Variants in SPECC1 observed in about 807,000 individuals in gnomAD.
SPECC1 encodes cytospin-B.
SPECC1 carries 62 observed loss-of-function variants against 104.1 expected under a neutral mutation model. The observed-to-expected ratio is 0.60, with a 90% CI of 0.49 to 0.74. The LOEUF (loss-of-function observed/expected upper bound fraction) is 0.74. Ranked by LOEUF, SPECC1 falls within the 30% of genes least tolerant of loss-of-function variation. SPECC1 has a pLI of 0.00. For synonymous variants in SPECC1, 513 were observed against 501.6 expected, an observed-to-expected ratio of 1.02 and a Z score of -0.30; for missense variants, 1,306 against 1,310.5, an observed-to-expected ratio of 1.00 and a Z score of 0.05.
At chr17:20,172,711 T>G (rs2034180732) in intron 3 of SPECC1, among the ~76,000 whole-genome samples, 1 of 152,190 alleles carries the variant, frequency 6.6e-6, no homozygotes, top group African/African-American at 2.4e-5. Context: ...GGAAGTGTGC[T>G]GTAAGCTCTG....
intron 4 of SPECC1, among the ~76,000 whole-genome samples, chr17:20,226,754 G>A (rs2038233149): frequency 6.6e-6 from 1 of 152,192 alleles, no homozygotes; most frequent in Non-Finnish European, 1.5e-5. Context: ...ACGTTTTTGT[G>A]TGCCTTCCGC....
rs1282932033 is a variant in SPECC1, at chr17:20,166,273, G to C, written c.284-38060G>C. 4.6e-5 allele frequency among the ~76,000 whole-genome samples: 7 copies of C among 152,268 alleles called. No homozygotes were observed. In the South Asian group the frequency reaches 1.2e-3, roughly 27 times the overall value. ...ACATGGAAAAACTCACAAGTAAAGT[G>C]GGAGAATTTAACTGTCTTACACAAA... On this transcript the variant is annotated intron_variant, in intron 3 of 14. Coordinates refer to ENST00000395527, the MANE Select transcript of SPECC1 (RefSeq NM_001243439.2).
chr17:20,273,497 GA>G (rs1413693135), intron 12 of SPECC1, among the ~76,000 whole-genome samples: 2 of 151,160 alleles, frequency 1.3e-5, no homozygotes, highest in Non-Finnish European at 2.9e-5. Context: ...TGGGGGTGGA[GA>G]GTGACTACCT....
chr17:20,101,318 C>T (rs965354149), intron 2 of SPECC1, among the ~76,000 whole-genome samples: 1 of 152,206 alleles, frequency 6.6e-6, no homozygotes, highest in Non-Finnish European at 1.5e-5. Flanking sequence ...CACAGCCTCA[C>T]CAGCATCTGT....
chr17:20,198,874 T>C (rs2036213836), intron 3 of SPECC1, among the ~76,000 whole-genome samples: 1 of 152,204 alleles, frequency 6.6e-6, no homozygotes, highest in Admixed American at 6.5e-5. Flanking sequence ...CATCCTCAAA[T>C]AACTTCCTTA....
intron 3 of SPECC1, among the ~76,000 whole-genome samples, chr17:20,168,819 A>C (rs2033864774): frequency 1.3e-5 from 2 of 152,172 alleles, no homozygotes; most frequent in South Asian, 4.1e-4. Context: ...TGCTTATATG[A>C]TGTAGATGTA....
intron 4 of SPECC1, among the ~76,000 whole-genome samples, chr17:20,220,872 C>T (rs1375467895): frequency 6.6e-6 from 1 of 152,054 alleles, no homozygotes; most frequent in Non-Finnish European, 1.5e-5. Context: ...AGTTTATTGA[C>T]AGTTTTTATC....
At position 20,223,065 on chromosome 17, in the gene SPECC1, T is replaced by C. The variant is rs78662449; in HGVS notation, c.1864-4348T>C. 7.8e-3 allele frequency among the ~76,000 whole-genome samples: 1,192 copies of C among 152,308 alleles called. 18 individuals are homozygous for C. The highest frequency in any genetic ancestry group is 0.027 in the African/African-American group (1,136 of 41,570). ...TTCTATAACCTATTGTACTTGAGTA[T>C]TAATATTTTTCTCTAGATTTGGGAA... On this transcript the variant is annotated intron_variant, in intron 4 of 14. Transcript: ENST00000395527.
At chr17:20,085,393 C>G (rs1278862717) in intron 1 of SPECC1, among the ~76,000 whole-genome samples, 1 of 152,206 alleles carries the variant, frequency 6.6e-6, no homozygotes, top group Non-Finnish European at 1.5e-5. Context: ...CGTTTCTGTC[C>G]CTCACGCTGG....
chr17:20,167,620 G>A (rs945734141), intron 3 of SPECC1, among the ~76,000 whole-genome samples: 1 of 152,238 alleles, frequency 6.6e-6, no homozygotes, highest in Non-Finnish European at 1.5e-5. Flanking sequence ...GGAGGTTGCA[G>A]TGAGCTGAGA....
intron 3 of SPECC1, among the ~76,000 whole-genome samples, chr17:20,132,527 T>A (rs1019520711): frequency 2.0e-5 from 3 of 151,498 alleles, no homozygotes; most frequent in Non-Finnish European, 4.4e-5. Flanking sequence ...GTTTGTTTGT[T>A]TGTTTGTTTG....
At chr17:20,182,196 C>G (rs1010089517) in intron 3 of SPECC1, among the ~76,000 whole-genome samples, 1 of 150,502 alleles carries the variant, frequency 6.6e-6, no homozygotes, top group Non-Finnish European at 1.5e-5. Flanking sequence ...TCACTGGAGC[C>G]TCATCCTCCA....
chr17:20,046,235 A>G (rs6587211), intron 1 of SPECC1, among the ~76,000 whole-genome samples: 22,971 of 152,160 alleles, frequency 0.15, 1,901 homozygotes, highest in African/African-American at 0.21. Context: ...TTTGAGCCAC[A>G]GTGCCTGGCA....
rs148700698 is a variant in SPECC1 at position 20,289,069 on chromosome 17, C to T, written c.2941-7892C>T. 8.0e-3 allele frequency among the ~76,000 whole-genome samples: 1,223 copies of T among 152,084 alleles called. 18 individuals carry two copies. The highest frequency in any genetic ancestry group is 0.028 in the African/African-American group (1,155 of 41,490). ...AAGTGCTGGGATTATAGGCATGAGC[C>T]GCCGTGCCTGGCTGAAAGGCACTTC... On this transcript the variant is annotated intron_variant, in intron 12 of 14. Coordinates refer to ENST00000395527, the MANE Select transcript of SPECC1 (RefSeq NM_001243439.2).
intron 1 of SPECC1, among the ~76,000 whole-genome samples, chr17:20,021,542 A>AGGACT (rs2044373715): frequency 6.6e-6 from 1 of 151,834 alleles, no homozygotes; most frequent in Admixed American, 6.6e-5. Context: ...ACCCAGGAGT[A>AGGACT]GGACTGCCTG....
chr17:20,110,213 AAC>A (rs1370586109), intron 2 of SPECC1, among the ~76,000 whole-genome samples: 24 of 152,140 alleles, frequency 1.6e-4, no homozygotes, highest in Non-Finnish European at 2.9e-5. Flanking sequence ...TGCTCTTTGA[AAC>A]AGTCATGGGA....
At chr17:20,164,312 A>G (rs2033449907) in intron 3 of SPECC1, among the ~76,000 whole-genome samples, 1 of 151,784 alleles carries the variant, frequency 6.6e-6, no homozygotes, top group Admixed American at 6.6e-5. Flanking sequence ...AGGCAGTGCC[A>G]CCATGCCCAG....
At chr17:20,258,016 A>G (rs1415806457) in intron 11 of SPECC1, among the ~76,000 whole-genome samples, 2 of 152,146 alleles carry the variant, frequency 1.3e-5, no homozygotes, top group African/African-American at 4.8e-5. Flanking sequence ...TATGCATAAC[A>G]AGCTCTCTGT....
chr17:20,173,084 T>C (rs1218938385), intron 3 of SPECC1, among the ~76,000 whole-genome samples: 2 of 152,214 alleles, frequency 1.3e-5, no homozygotes, highest in East Asian at 3.8e-4. Flanking sequence ...GTCCAGACTA[T>C]AAAGCATTTT....
Sources: allele counts gnomAD v4.1 joint callset (sites outside exome capture counted in the v4.1 genomes callset), GRCh38; gene constraint gnomAD v4.1.1; transcripts MANE v1.5; gene names NCBI Gene and HGNC (gene_info 2026-07-23, HGNC 2026-07-21).